Variants in SDK1 observed in about 807,000 individuals in gnomAD.
The protein encoded by SDK1 is protein sidekick-1.
A neutral mutation model predicts 245.5 loss-of-function variants in SDK1; 157 were observed. The observed-to-expected ratio is 0.64, with a 90% CI of 0.56 to 0.73. SDK1 has a LOEUF of 0.73. SDK1 is among the 30% of genes least tolerant of loss of function. The pLI is 0.00. For synonymous variants in SDK1, 1,647 were observed against 1,278.5 expected (o/e 1.29, Z -6.15); for missense variants, 3,583 against 3,002.3 (o/e 1.19, Z -4.52).
At chr7:3,831,341 G>T (rs753132967) in intron 5 of SDK1, among the ~76,000 whole-genome samples, 1 of 152,126 alleles carries the variant, frequency 6.6e-6, no homozygotes, top group Non-Finnish European at 1.5e-5. Context: ...GGTTCTACTC[G>T]TACCTTCCCA....
At chr7:3,417,921 A>C (rs911900701) in intron 1 of SDK1, among the ~76,000 whole-genome samples, 1 of 152,128 alleles carries the variant, frequency 6.6e-6, no homozygotes, top group African/African-American at 2.4e-5. Context: ...TGAGTTTGCA[A>C]AGTATCTTAT....
intron 5 of SDK1, among the ~76,000 whole-genome samples, chr7:3,924,157 C>T (rs1308752221): frequency 4.6e-5 from 7 of 151,264 alleles, no homozygotes; most frequent in African/African-American, 1.7e-4. Context: ...TTGTAACCAT[C>T]CAGGTGGGGA....
At chr7:3,326,350 A>C (rs1779940477) in intron 1 of SDK1, among the ~76,000 whole-genome samples, 1 of 152,170 alleles carries the variant, frequency 6.6e-6, no homozygotes. Flanking sequence ...CAGTTTTCAA[A>C]TCTGTAAATG....
intron 4 of SDK1, among the ~76,000 whole-genome samples, chr7:3,765,079 T>A (rs551473551): frequency 1.2e-4 from 18 of 152,268 alleles, no homozygotes; most frequent in African/African-American, 4.3e-4. Context: ...TTTTAATAAT[T>A]ATAGTTTTTA....
intron 35 of SDK1, among the ~76,000 whole-genome samples, chr7:4,183,800 G>T (rs190844872): frequency 6.6e-6 from 1 of 152,268 alleles, no homozygotes; most frequent in East Asian, 1.9e-4. Context: ...TATCAGCCTT[G>T]CTCTAAGTTA....
chr7:3,641,843 T>G, intron 3 of SDK1, 115 bp from the exon 4 acceptor site: 3 of 828,248 alleles, frequency 3.6e-6, no homozygotes, highest in East Asian at 2.6e-5. Flanking sequence ...CGTCCTGGTG[T>G]GAAATGTGGC....
chr7:3,616,069 G>T (rs1447595380), intron 1 of SDK1, among the ~76,000 whole-genome samples: 1 of 151,994 alleles, frequency 6.6e-6, no homozygotes, highest in South Asian at 2.1e-4. Flanking sequence ...AAAACTTTTT[G>T]TGGAGATGGG....
intron 4 of SDK1, among the ~76,000 whole-genome samples, chr7:3,718,935 C>G (rs531534282): frequency 2.2e-4 from 33 of 152,300 alleles, no homozygotes; most frequent in Middle Eastern, 3.4e-3. Flanking sequence ...TTGCAGTATA[C>G]AAAATCAACA....
rs747949026 is a variant in SDK1, at chr7:4,010,994, C to T, written c.2160C>T (p.Asn720=). 52 of 1,614,094 alleles carry T rather than the reference C, an allele frequency of 3.2e-5. No homozygotes were observed. The highest frequency in any genetic ancestry group is 4.0e-5 in the Non-Finnish European group (47 of 1,180,038). ...NNSPWKVHLS[N]VGPEMTGVTV... ...CTCCATGGAAGGTGCATCTGTCAAA[C>T]GTTGGCCCTGAGATGACAGGCGTCA... The change falls in exon 15 of 45, where the codon AAC becomes AAT. Residue 720 remains asparagine, a synonymous_variant. Coordinates refer to ENST00000404826, the MANE Select transcript of SDK1 (RefSeq NM_152744.4).
chr7:4,220,324 T>C, intron 39 of SDK1, 54 bp downstream of exon 39: 1 of 1,555,420 alleles, frequency 6.4e-7, no homozygotes, highest in Non-Finnish European at 8.8e-7. Flanking sequence ...GCCTCCCGCC[T>C]CCTGCTTCAC....
chr7:3,958,494 G>A (rs538838776), intron 7 of SDK1, among the ~76,000 whole-genome samples: 1 of 152,278 alleles, frequency 6.6e-6, no homozygotes, highest in East Asian at 1.9e-4. Context: ...GAACTGCTAA[G>A]AATTTTAAAA....
At chr7:3,548,285 T>C (rs1174076599) in intron 1 of SDK1, among the ~76,000 whole-genome samples, 4 of 152,178 alleles carry the variant, frequency 2.6e-5, no homozygotes, top group Non-Finnish European at 1.5e-5. Flanking sequence ...GAAAAAATAA[T>C]TGTAGGAACC....
chr7:3,395,492 A>C (rs766166423), intron 1 of SDK1, among the ~76,000 whole-genome samples: 5 of 151,950 alleles, frequency 3.3e-5, no homozygotes, highest in South Asian at 4.2e-4. Context: ...ATGAGTGGGA[A>C]TATTCTAGAA....
rs1347375474 is a variant in SDK1, at chr7:3,625,796, A to ATTCC, written c.458+6557_458+6558insTTCC. Among the ~76,000 whole-genome samples, 788 of 152,294 alleles carry ATTCC rather than the reference A, an allele frequency of 5.2e-3. 3 individuals carry two copies. Among genetic ancestry groups the ATTCC allele is most frequent in the African/African-American group, 0.018 (763 of 41,566 alleles). Reference sequence around the variant, plus strand: ...GTGCCAGAGAATCCCCAGGACAGGAAGCAAGAAATAGGAGGCATGGGTTGA... The same window carrying ATTCC: ...GTGCCAGAGAATCCCCAGGACAGGAATTCCGCAAGAAATAGGAGGCATGGGTTGA... On this transcript the variant is annotated intron_variant, in intron 2 of 44. Coordinates refer to ENST00000404826, the MANE Select transcript of SDK1 (RefSeq NM_152744.4).
chr7:3,339,909 TA>T (rs1301067829), intron 1 of SDK1, among the ~76,000 whole-genome samples: 1 of 151,982 alleles, frequency 6.6e-6, no homozygotes, highest in Admixed American at 6.6e-5. Flanking sequence ...ATAAAAATCA[TA>T]AAAAGTTATT....
intron 1 of SDK1, among the ~76,000 whole-genome samples, chr7:3,565,203 G>A (rs141178919): frequency 2.8e-3 from 431 of 151,752 alleles, no homozygotes; most frequent in Non-Finnish European, 4.5e-3. Flanking sequence ...TCTTCCATCC[G>A]CTGTAGCAGG....
intron 13 of SDK1, among the ~76,000 whole-genome samples, chr7:3,981,332 T>A (rs1345495288): frequency 2.0e-5 from 3 of 152,138 alleles, no homozygotes; most frequent in African/African-American, 7.2e-5. Context: ...ATTCCCTGTC[T>A]CCCTCCGTCT....
At chr7:3,316,747 C>T (rs1052103974) in intron 1 of SDK1, among the ~76,000 whole-genome samples, 1 of 152,148 alleles carries the variant, frequency 6.6e-6, no homozygotes, top group Non-Finnish European at 1.5e-5. Context: ...CAGCGTGGAA[C>T]TGGTTCTTGC....
At position 4,175,921 on chromosome 7, in the gene SDK1, C is replaced by T. The variant is rs145867886; in HGVS notation, c.4996+87C>T. 2.7e-3 allele frequency: 3,091 copies of T among 1,156,452 alleles called. 6 individuals carry two copies. Among genetic ancestry groups the T allele is most frequent in the Non-Finnish European group, 3.4e-3 (2,660 of 774,818 alleles). 71.6% of individuals were successfully genotyped at this position (1,156,452 alleles called of 1,614,324 possible). ...CTGGTCTCTCAGTGCAAGGGAAAACCAGCCTGGATTAATGGCTCCAGTTCT... is the reference window on the plus strand; with the variant it reads ...CTGGTCTCTCAGTGCAAGGGAAAACTAGCCTGGATTAATGGCTCCAGTTCT... On this transcript the variant is annotated intron_variant, in intron 34 of 44. Transcript: ENST00000404826.
Sources: gnomAD v4.1 joint callset for allele counts (sites outside exome capture counted in the v4.1 genomes callset) on GRCh38, gnomAD v4.1.1 for gene constraint, MANE v1.5 for transcripts, NCBI Gene and HGNC (gene_info 2026-07-23, HGNC 2026-07-21) for gene names.